SEC31A: variants seen among roughly 807,000 people sequenced by gnomAD.
SEC31A encodes the protein SEC31 homolog A, COPII component, also known as protein transport protein Sec31A.
SEC31A carries 70 observed loss-of-function variants against 151.0 expected under a neutral mutation model. The observed-to-expected ratio is 0.46, with a 90% confidence interval of 0.38 to 0.57. SEC31A has a LOEUF of 0.57. Among genes scored for constraint, SEC31A ranks in the 20% least tolerant of loss-of-function variants. The probability of loss-of-function intolerance (pLI) is 0.00; values close to 1 mark genes in which losing one functional copy is unlikely to be tolerated. For synonymous variants in SEC31A, 475 were observed against 505.9 expected, an observed-to-expected ratio of 0.94 and a Z score of 0.82; for missense variants, 1,330 against 1,471.2, an observed-to-expected ratio of 0.90 and a Z score of 1.57.
chr4:82,837,201 T>TATATATATATATATA (rs1727586493), intron 22 of SEC31A, among the ~76,000 whole-genome samples: 3 of 56,142 alleles, frequency 5.3e-5, no homozygotes, highest in East Asian at 5.0e-4. Flanking sequence ...ATATATATAA[T>TATATATATATATATA]TTCACCACAA....
At chr4:82,867,018 C>T (rs1412036754) in intron 9 of SEC31A, 58 bp from the exon 10 acceptor site, 1 of 1,573,218 alleles carries the variant, frequency 6.4e-7, no homozygotes, top group South Asian at 1.2e-5. Flanking sequence ...CATTTTTTTC[C>T]AGTCATATCC....
intron 6 of SEC31A, among the ~76,000 whole-genome samples, 163 bp from the exon 7 acceptor site, chr4:82,872,249 G>A (rs571918307): frequency 5.9e-5 from 9 of 152,134 alleles, no homozygotes; most frequent in Admixed American, 1.3e-4. Context: ...GTGCAGTAGC[G>A]CCATCTCAGC....
intron 3 of SEC31A, among the ~76,000 whole-genome samples, chr4:82,897,463 CAT>C (rs1369975016): frequency 3.3e-5 from 5 of 152,156 alleles, no homozygotes; most frequent in Admixed American, 6.5e-5. Context: ...TACCTGCTTT[CAT>C]AGAGTTATTA....
chr4:82,895,052 A>G (rs572758865), upstream of SEC31A: 12 of 152,330 alleles, frequency 7.9e-5, no homozygotes, highest in Admixed American at 5.9e-4. Flanking sequence ...GTTTCCTATC[A>G]CCTTCTTTTC....
At chr4:82,850,530 T>TA (rs1351132641) in intron 19 of SEC31A, among the ~76,000 whole-genome samples, 3 of 151,862 alleles carry the variant, frequency 2.0e-5, no homozygotes, top group Admixed American at 2.0e-4. Context: ...AACAATTGAC[T>TA]AAAAAAATAC....
chr4:82,880,628 A>C (rs1739068509), intron 3 of SEC31A, 171 bp downstream of exon 3: 2 of 561,326 alleles, frequency 3.6e-6, no homozygotes, highest in Admixed American at 3.7e-5. Flanking sequence ...AGAACACATA[A>C]ACACTACTTT....
chr4:82,872,768 C>A (rs10022260), intron 6 of SEC31A, among the ~76,000 whole-genome samples: 5 of 151,866 alleles, frequency 3.3e-5, no homozygotes, highest in Non-Finnish European at 1.5e-5. Flanking sequence ...CAGTGTGGCA[C>A]GATCTCAGCT....
intron 24 of SEC31A, among the ~76,000 whole-genome samples, chr4:82,826,816 C>T (rs1724709280): frequency 6.6e-6 from 1 of 152,176 alleles, no homozygotes; most frequent in African/African-American, 2.4e-5. Context: ...TTGATCTAAG[C>T]TCTTTATTTC....
rs534068962 is a variant in SEC31A, at chr4:82,874,667, C to A, written c.583G>T (p.Val195Leu). 9.5e-5 allele frequency: 154 copies of A among 1,613,446 alleles called. 2 individuals are homozygous for A. Among genetic ancestry groups the A allele is most frequent in the South Asian group, 6.9e-4 (63 of 90,922 alleles). Reference sequence around the variant, plus strand: ...GGCTCATTTTTTCTAAGATCCCATACAGTGGCCCGGCCACTGGGACTGGCT... The same window carrying A: ...GGCTCATTTTTTCTAAGATCCCATAAAGTGGCCCGGCCACTGGGACTGGCT... ...ASASPSGRAT[V>L]WDLRKNEPII... The change falls in exon 6 of 27, where the codon GTA becomes TTA. Residue 195 changes from valine to leucine, a missense_variant. Transcript: ENST00000395310.
intron 22 of SEC31A, among the ~76,000 whole-genome samples, chr4:82,833,678 G>A (rs1726550128): frequency 6.6e-6 from 1 of 152,086 alleles, no homozygotes; most frequent in Admixed American, 6.6e-5. Flanking sequence ...AATACTTAGG[G>A]TCAGGACAGG....
chr4:82,858,304 G>A lies in SEC31A; in HGVS notation c.1627-540C>T, dbSNP rs112422109. ...CTCATGCCTGTAATCACAGCACTTT[G>A]GGAGGCCGAGGCGGGCAGATCACGA... On this transcript the variant is annotated intron_variant, in intron 14 of 26. Coordinates refer to ENST00000395310, the MANE Select transcript of SEC31A (RefSeq NM_001077207.4). 2.5e-3 allele frequency among the ~76,000 whole-genome samples: 376 copies of A among 151,872 alleles called. 2 individuals carry two copies. The highest frequency in any genetic ancestry group is 4.2e-3 in the Non-Finnish European group (282 of 67,920).
upstream of SEC31A, among the ~76,000 whole-genome samples, chr4:82,892,114 A>G (rs1317822308): frequency 6.6e-6 from 1 of 152,244 alleles, no homozygotes; most frequent in Non-Finnish European, 1.5e-5. Context: ...CAGCTTCATA[A>G]GACAGCTTAA....
chr4:82,822,733 A>C (rs1451465929), intron 25 of SEC31A, among the ~76,000 whole-genome samples: 2 of 152,080 alleles, frequency 1.3e-5, no homozygotes. Context: ...CAGCACTTTG[A>C]GAGGCCGAGG....
At chr4:82,880,721 G>C (rs1739084017) in intron 3 of SEC31A, 78 bp downstream of exon 3, 1 of 1,210,692 alleles carries the variant, frequency 8.3e-7, no homozygotes, top group South Asian at 1.7e-5. Flanking sequence ...TCTAATAATG[G>C]CATAATTATA....
At chr4:82,826,632 C>T (rs910840009) in intron 24 of SEC31A, among the ~76,000 whole-genome samples, 1 of 152,240 alleles carries the variant, frequency 6.6e-6, no homozygotes, top group Non-Finnish European at 1.5e-5. Context: ...GGATAAGAGG[C>T]GTGAGCCACT....
At position 82,867,331 on chromosome 4, in the gene SEC31A, A is replaced by G. The variant is rs200071211; in HGVS notation, c.883-15T>C. The G allele has an allele frequency of 9.9e-6, 16 of 1,610,356 alleles. No individual in the cohort carries two copies. Among genetic ancestry groups the G allele is most frequent in the Non-Finnish European group, 1.4e-5 (16 of 1,177,822 alleles). Reference sequence around the variant, plus strand: ...TCATATAACACCTAGGCCAACAAAAAACAAACAACAAAACTCAGAAAATGG... The same window carrying G: ...TCATATAACACCTAGGCCAACAAAAGACAAACAACAAAACTCAGAAAATGG... On this transcript the variant is annotated splice_polypyrimidine_tract_variant and intron_variant, in intron 8 of 26. Coordinates refer to ENST00000395310, the MANE Select transcript of SEC31A (RefSeq NM_001077207.4).
intron 12 of SEC31A, among the ~76,000 whole-genome samples, chr4:82,862,904 C>G (rs1734510570): frequency 6.6e-6 from 1 of 152,192 alleles, no homozygotes; most frequent in Non-Finnish European, 1.5e-5. Context: ...ATATAAAACT[C>G]TAAAGGAGTG....
In SEC31A at chr4:82,854,982, A is replaced by AGACT; in HGVS notation, c.1925_1928dup (p.Cys644ValfsTer3). On this transcript the variant is annotated frameshift_variant, in exon 17 of 27. Coordinates refer to ENST00000395310, the MANE Select transcript of SEC31A (RefSeq NM_001077207.4). LOFTEE classifies it high-confidence loss of function. ...CCTCTCTCCAATTTTTAAGATCACA[A>AGACT]GACTCAACAATCTCTTTCCAGTTCT... 6.2e-7 allele frequency: 1 copy of AGACT among 1,613,938 alleles called. No individual in the cohort carries two copies. The highest frequency in any genetic ancestry group is 8.5e-7 in the Non-Finnish European group (1 of 1,179,874).
intron 20 of SEC31A, among the ~76,000 whole-genome samples, chr4:82,845,917 T>C (rs1297142967): frequency 2.0e-5 from 3 of 152,286 alleles, no homozygotes; most frequent in African/African-American, 4.8e-5. Flanking sequence ...TCAATGGTGA[T>C]TCCAAGTCAC....
Sources: gnomAD v4.1 joint callset for allele counts (sites outside exome capture counted in the v4.1 genomes callset) on GRCh38, gnomAD v4.1.1 for gene constraint, MANE v1.5 for transcripts, NCBI Gene and HGNC (gene_info 2026-07-23, HGNC 2026-07-21) for gene names.